EIF3H: variants seen among roughly 807,000 people sequenced by gnomAD.
EIF3H encodes the protein eIF-3-gamma.
Under a neutral mutation model 44.2 loss-of-function variants are expected in EIF3H, and 26 were observed. That is an observed-to-expected ratio of 0.59 (90% CI 0.43 to 0.82). The LOEUF (loss-of-function observed/expected upper bound fraction) is 0.82, where lower values mean the gene tolerates loss of function less well. EIF3H is among the 40% of genes least tolerant of loss of function. The probability of loss-of-function intolerance (pLI) is 0.00; values close to 1 mark genes in which losing one functional copy is unlikely to be tolerated. For missense variants in EIF3H, 359 were observed against 432.8 expected, an observed-to-expected ratio of 0.83 and a Z score of 1.51; for synonymous variants, 166 against 151.9, an observed-to-expected ratio of 1.09 and a Z score of -0.68.
At chr8:116,692,819 C>A (rs1814201235) in intron 2 of EIF3H, among the ~76,000 whole-genome samples, 1 of 152,090 alleles carries the variant, frequency 6.6e-6, no homozygotes, top group Non-Finnish European at 1.5e-5. Context: ...AAACAACAAG[C>A]CTTCAGCTGG....
intron 6 of EIF3H, among the ~76,000 whole-genome samples, chr8:116,647,494 T>G (rs1382661082): frequency 6.6e-6 from 1 of 152,224 alleles, no homozygotes; most frequent in Non-Finnish European, 1.5e-5. Context: ...TCAAATACTT[T>G]CAAACTCTGG....
intron 2 of EIF3H, among the ~76,000 whole-genome samples, chr8:116,705,161 C>T (rs144587015): frequency 1.3e-5 from 2 of 152,248 alleles, no homozygotes; most frequent in East Asian, 1.9e-4. Flanking sequence ...AGATAATCAA[C>T]AGTATGACCA....
intron 2 of EIF3H, among the ~76,000 whole-genome samples, chr8:116,663,930 C>CAAAAA (rs779193805): frequency 5.2e-5 from 4 of 76,212 alleles, no homozygotes; most frequent in African/African-American, 2.0e-4. Context: ...GACTCAGTCT[C>CAAAAA]AAAAAAAAAA....
chr8:116,667,464 C>CAAAA (rs36085143), intron 2 of EIF3H, among the ~76,000 whole-genome samples: 3 of 138,690 alleles, frequency 2.2e-5, no homozygotes, highest in African/African-American at 5.3e-5. Context: ...TACAACTTCA[C>CAAAA]AAAAAAAAAA....
intron 2 of EIF3H, among the ~76,000 whole-genome samples, chr8:116,666,603 G>C (rs1235697285): frequency 6.6e-6 from 1 of 151,834 alleles, no homozygotes; most frequent in Non-Finnish European, 1.5e-5. Context: ...TGTCATTTGA[G>C]ATGTGTTTAT....
chr8:116,742,234 T>C (rs1815145686), intron 1 of EIF3H, among the ~76,000 whole-genome samples: 1 of 152,222 alleles, frequency 6.6e-6, no homozygotes, highest in Admixed American at 6.5e-5. Context: ...TCACTGATGG[T>C]CCACATTTTT....
At position 116,642,841 on chromosome 8, in the gene EIF3H, AAC is replaced by A. The variant is rs1285913448; in HGVS notation, c.*2163_*2164del. The A allele has an allele frequency of 6.6e-6, 1 of 152,234 alleles. No homozygotes were observed. The highest frequency in any genetic ancestry group is 1.5e-5 in the Non-Finnish European group (1 of 68,048). The allele number at this position is 152,234 out of a possible 1,614,324, so 9.4% of individuals were successfully genotyped here. ...TAATTTCCACTGACATGTTTTCCTA[AAC>A]AGTTTTTCCCACTATGATTAATTCC... is the stretch of plus-strand genomic sequence containing the variant. On this transcript the variant is annotated 3_prime_UTR_variant, in exon 8 of 8. Coordinates refer to ENST00000521861, the MANE Select transcript of EIF3H (RefSeq NM_003756.3).
intron 1 of EIF3H, chr8:116,737,420 C>T (rs567330745): frequency 8.2e-6 from 3 of 364,430 alleles, no homozygotes; most frequent in East Asian, 7.6e-5. Flanking sequence ...CTCTGGGAGG[C>T]TGAGGCAGAC....
chr8:116,652,858 A>C (rs1437659841), intron 5 of EIF3H, among the ~76,000 whole-genome samples: 5 of 152,186 alleles, frequency 3.3e-5, no homozygotes, highest in African/African-American at 1.2e-4. Context: ...GAAGGCAAGA[A>C]GACAGGAGGC....
chr8:116,728,477 A>G (rs1286319334), intron 1 of EIF3H, among the ~76,000 whole-genome samples: 1 of 152,068 alleles, frequency 6.6e-6, no homozygotes, highest in African/African-American at 2.4e-5. Context: ...AACTAAATTG[A>G]TAGTTAAAAT....
intron 1 of EIF3H, among the ~76,000 whole-genome samples, chr8:116,748,084 A>G (rs4256624): frequency 0.89 from 134,761 of 151,644 alleles, 60,171 homozygotes; most frequent in African/African-American, 0.96. Context: ...CCTGGGAGGC[A>G]GAGGTTGCAG....
intron 2 of EIF3H, among the ~76,000 whole-genome samples, chr8:116,702,697 G>GGAGGC (rs1814398362): frequency 1.3e-5 from 2 of 152,088 alleles, no homozygotes; most frequent in Non-Finnish European, 2.9e-5. Context: ...ATCATCATAA[G>GGAGGC]CTGATTCACT....
chr8:116,683,633 T>C (rs1814028028), intron 2 of EIF3H, among the ~76,000 whole-genome samples: 1 of 152,208 alleles, frequency 6.6e-6, no homozygotes, highest in South Asian at 2.1e-4. Context: ...TGGGGATGGA[T>C]GACATAAATT....
chr8:116,755,912 CAAAATTGGG>C (rs778211579), upstream of EIF3H: 3 of 1,546,964 alleles, frequency 1.9e-6, no homozygotes, highest in Non-Finnish European at 2.6e-6. Flanking sequence ...AAGGAGAAGC[CAAAATTGGG>C]CCCCGCCTCC....
intron 1 of EIF3H, among the ~76,000 whole-genome samples, chr8:116,752,278 T>C (rs938856227): frequency 9.2e-5 from 14 of 152,172 alleles, no homozygotes; most frequent in African/African-American, 2.9e-4. Flanking sequence ...CTGGAATGCA[T>C]GTCTCCTGAT....
chr8:116,658,111 T>C (rs1442687572), intron 3 of EIF3H: 1 of 152,244 alleles, frequency 6.6e-6, no homozygotes, highest in East Asian at 1.9e-4. Context: ...TAACAACTTG[T>C]TCTTTACTGT....
At chr8:116,687,493 A>C (rs895652793) in intron 2 of EIF3H, among the ~76,000 whole-genome samples, 1 of 152,206 alleles carries the variant, frequency 6.6e-6, no homozygotes, top group Non-Finnish European at 1.5e-5. Context: ...CCAAATTTTT[A>C]AATAACTGCT....
chr8:116,752,700 GAA>G (rs1424584278), intron 1 of EIF3H, among the ~76,000 whole-genome samples: 1 of 127,792 alleles, frequency 7.8e-6, no homozygotes, highest in Admixed American at 8.2e-5. Context: ...AAGAAAGAAA[GAA>G]AGAAAGAAAG....
chr8:116,654,209 G>A (rs1203575970), intron 5 of EIF3H, among the ~76,000 whole-genome samples: 25 of 152,226 alleles, frequency 1.6e-4, no homozygotes. Context: ...AAAGAAATGG[G>A]ACCTCTTTTT....
Sources: allele counts gnomAD v4.1 joint callset (sites outside exome capture counted in the v4.1 genomes callset), GRCh38; gene constraint gnomAD v4.1.1; transcripts MANE v1.5; gene names NCBI Gene and HGNC (gene_info 2026-07-23, HGNC 2026-07-21).